Variants in ETV6 observed in about 807,000 individuals in gnomAD.
The protein encoded by ETV6 is ETS variant transcription factor 6, also known as transcription factor ETV6.
ETV6 carries 16 observed loss-of-function variants against 51.1 expected under a neutral mutation model. The ratio of observed to expected loss-of-function variants is 0.31; its 90% CI spans 0.21 to 0.48. The LOEUF (loss-of-function observed/expected upper bound fraction) is 0.48. Among genes scored for constraint, ETV6 ranks in the 20% least tolerant of loss-of-function variants. The pLI, the probability that ETV6 is intolerant of heterozygous loss-of-function variation, is 0.99. For synonymous variants in ETV6, 240 were observed against 224.1 expected, an observed-to-expected ratio of 1.07 and a Z score of -0.64; for missense variants, 458 against 594.8, an observed-to-expected ratio of 0.77 and a Z score of 2.39.
intron 2 of ETV6, among the ~76,000 whole-genome samples, chr12:11,780,084 T>C (rs1945391402): frequency 1.3e-5 from 2 of 152,242 alleles, no homozygotes; most frequent in South Asian, 4.1e-4. Flanking sequence ...CCATTCCTTT[T>C]CTCTCTTTCT....
intron 2 of ETV6, among the ~76,000 whole-genome samples, chr12:11,815,835 C>T (rs1457142464): frequency 2.6e-5 from 4 of 152,126 alleles, no homozygotes; most frequent in African/African-American, 9.7e-5. Context: ...AGTAGAAACT[C>T]TTGGAACCTG....
Position 11,869,647 on chromosome 12 carries a change from C to G in ETV6, c.687C>G (p.His229Gln). 1 of 1,614,190 alleles carries G rather than the reference C, an allele frequency of 6.2e-7. No homozygotes were observed. The change falls in exon 5 of 8, where the codon CAC becomes CAG. Residue 229 changes from histidine (H) to glutamine (Q), a missense_variant. This residue lies in a region of ETV6 where 293 missense variants were observed against 315.7 expected (regional missense o/e 0.93). Transcript: ENST00000396373. This position sits in a 1 kb window ranked among gnomAD's most constrained non-coding sequence, Gnocchi z 5.0. The stretch of plus-strand genomic sequence containing the variant: ...CCAGGCCGCACCAGGAGAACAACCA[C>G]CAGGAGTCCTACCCTCTGTCAGTGT... ...QGPRPHQENN[H>Q]QESYPLSVSP... is the part of the protein sequence containing the mutation.
chr12:11,795,429 G>A (rs1286009254), intron 2 of ETV6, among the ~76,000 whole-genome samples: 5 of 152,212 alleles, frequency 3.3e-5, no homozygotes, highest in Admixed American at 6.5e-5. Flanking sequence ...CCTTGGGGAC[G>A]ATGCATGGAG....
Position 11,853,835 on chromosome 12 carries a change from G to A in ETV6, c.463+274G>A, listed in dbSNP as rs181837048. Among the ~76,000 whole-genome samples the A allele has an allele frequency of 4.5e-4, 68 of 152,300 alleles. 1 individual carries two copies. Among genetic ancestry groups the A allele is most frequent in the Admixed American group, 4.3e-3 (66 of 15,304 alleles). ...GAAGGGTCCATGACAGCCAGGTGCA[G>A]GAAGCAGGGTCTTCTCATAAAGGAA... On this transcript the variant is annotated intron_variant, in intron 4 of 7. Coordinates refer to ENST00000396373, the MANE Select transcript of ETV6 (RefSeq NM_001987.5).
At chr12:11,752,343 A>G in intron 1 of ETV6, 107 bp from the exon 2 acceptor site, 3 of 1,209,262 alleles carry the variant, frequency 2.5e-6, no homozygotes, top group Non-Finnish European at 3.5e-6. Context: ...GGTACTGCCC[A>G]TGCCCCGCCT....
At position 11,682,868 on chromosome 12, in the gene ETV6, A is replaced by G. The variant is rs558725975; in HGVS notation, c.33+32708A>G. On this transcript the variant is annotated intron_variant, in intron 1 of 7. Transcript: ENST00000396373. ...ATTGCTTGTTTTTGTCAGGTTTGTC[A>G]AAGATCAGATGGTTCTAGTCGTGTG... 3.3e-5 allele frequency among the ~76,000 whole-genome samples: 5 copies of G among 152,330 alleles called. No homozygotes were observed. In the East Asian group the frequency reaches 9.6e-4, roughly 29 times the overall value.
At chr12:11,675,360 G>C (rs184898443) in intron 1 of ETV6, among the ~76,000 whole-genome samples, 1 of 152,210 alleles carries the variant, frequency 6.6e-6, no homozygotes, top group East Asian at 1.9e-4. Flanking sequence ...ATATTTTAAA[G>C]TATTACCTAT....
chr12:11,717,518 T>C (rs1490686589), intron 1 of ETV6, among the ~76,000 whole-genome samples: 1 of 152,206 alleles, frequency 6.6e-6, no homozygotes, highest in Non-Finnish European at 1.5e-5. Context: ...ACAGTAACGC[T>C]ATGGGGCATG....
At chr12:11,677,064 G>T (rs1864433866) in intron 1 of ETV6, among the ~76,000 whole-genome samples, 1 of 152,202 alleles carries the variant, frequency 6.6e-6, no homozygotes, top group Admixed American at 6.5e-5. Flanking sequence ...ACCTGCAGTG[G>T]TTTGGTTTTT....
At chr12:11,833,832 CTG>C (rs2136456340) in intron 2 of ETV6, among the ~76,000 whole-genome samples, 1 of 152,302 alleles carries the variant, frequency 6.6e-6, no homozygotes, top group South Asian at 2.1e-4. Context: ...AGAGTTGACA[CTG>C]TAGAGCTAGA....
intron 1 of ETV6, among the ~76,000 whole-genome samples, chr12:11,705,755 G>A (rs1221280870): frequency 6.6e-6 from 1 of 152,212 alleles, no homozygotes; most frequent in African/African-American, 2.4e-5. Flanking sequence ...CCAAGGGAAA[G>A]ATGAGAAGGC....
intron 1 of ETV6, among the ~76,000 whole-genome samples, chr12:11,674,615 T>TTGTGTGTGTGTGTGTGTG (rs5796457): frequency 6.8e-5 from 9 of 133,162 alleles, no homozygotes; most frequent in Admixed American, 1.5e-4. Context: ...TAGGGGTTAT[T>TTGTGTGTGTGTGTGTGTG]TGTGTGTGTG....
chr12:11,694,442 C>T (rs1257124823), intron 1 of ETV6, among the ~76,000 whole-genome samples: 1 of 152,206 alleles, frequency 6.6e-6, no homozygotes, highest in Non-Finnish European at 1.5e-5. Flanking sequence ...TAAGACAAGT[C>T]AGTCCAATGG....
chr12:11,836,399 G>A (rs1946316028), intron 2 of ETV6, among the ~76,000 whole-genome samples: 1 of 152,154 alleles, frequency 6.6e-6, no homozygotes, highest in Admixed American at 6.5e-5. Flanking sequence ...GATCACTTTT[G>A]TATGACTGCT....
At chr12:11,666,179 G>A (rs1289868627) in intron 1 of ETV6, among the ~76,000 whole-genome samples, 2 of 152,158 alleles carry the variant, frequency 1.3e-5, no homozygotes, top group East Asian at 1.9e-4. Flanking sequence ...GAGAGAACCC[G>A]GAAGAGCAGC....
At chr12:11,883,403 C>T (rs1947136964) in intron 5 of ETV6, among the ~76,000 whole-genome samples, 1 of 148,272 alleles carries the variant, frequency 6.7e-6, no homozygotes, top group Non-Finnish European at 1.5e-5. Context: ...AGGCGATTCT[C>T]CTGCCTCAGT....
At chr12:11,691,994 G>A (rs1864775696) in intron 1 of ETV6, among the ~76,000 whole-genome samples, 1 of 152,176 alleles carries the variant, frequency 6.6e-6, no homozygotes, top group African/African-American at 2.4e-5. Flanking sequence ...AGACTTCATA[G>A]GAGACAAGAC....
intron 1 of ETV6, among the ~76,000 whole-genome samples, chr12:11,734,530 A>AG (rs1491558924): frequency 3.3e-5 from 4 of 122,016 alleles, no homozygotes; most frequent in African/African-American, 1.4e-4. Context: ...AAAAAAAAAG[A>AG]AAAAAAAAAA....
In ETV6 at chr12:11,797,213, G is replaced by GAA. The variant is rs575927497; in HGVS notation, c.164-41927_164-41926insAA. ...ACACCATTATTTTTATTCAGACAGT[G>GAA]TACCTAGCAATAGTCCCGGCACTGG... On this transcript the variant is annotated intron_variant, in intron 2 of 7. Coordinates refer to ENST00000396373, the MANE Select transcript of ETV6 (RefSeq NM_001987.5). Among the ~76,000 whole-genome samples the GAA allele has an allele frequency of 4.7e-3, 714 of 152,206 alleles. 8 individuals are homozygous for GAA. Among genetic ancestry groups the GAA allele is most frequent in the African/African-American group, 0.016 (673 of 41,524 alleles).
Sources: gnomAD v4.1 joint callset for allele counts (sites outside exome capture counted in the v4.1 genomes callset) on GRCh38, gnomAD v4.1.1 for gene constraint, gnomAD v4.1.1 regional missense constraint, Gnocchi (gnomAD v3.1) non-coding constraint, MANE v1.5 for transcripts, NCBI Gene and HGNC (gene_info 2026-07-23, HGNC 2026-07-21) for gene names.